DACH1: variants seen among roughly 807,000 people sequenced by gnomAD.
The protein encoded by DACH1 is dachshund homolog 1.
DACH1 carries 12 observed loss-of-function variants against 54.2 expected under a neutral mutation model. The observed-to-expected ratio is 0.22, with a 90% CI of 0.14 to 0.36. The LOEUF (loss-of-function observed/expected upper bound fraction) is 0.36, where lower values mean the gene tolerates loss of function less well. Among genes scored for constraint, DACH1 ranks in the 10% least tolerant of loss-of-function variants. The pLI is 1.00. For missense variants in DACH1, 805 were observed against 929.8 expected (o/e 0.87, Z 1.75); for synonymous variants, 386 against 366.2 (o/e 1.05, Z -0.62).
At chr13:71,790,792 T>A (rs1886799604) in intron 1 of DACH1, among the ~76,000 whole-genome samples, 2 of 152,212 alleles carry the variant, frequency 1.3e-5, no homozygotes, top group South Asian at 4.1e-4. Context: ...GCAATGATTA[T>A]TTTTATTTCT....
At chr13:71,829,577 G>A (rs1888507622) in intron 1 of DACH1, among the ~76,000 whole-genome samples, 1 of 151,868 alleles carries the variant, frequency 6.6e-6, no homozygotes, top group Admixed American at 6.6e-5. Flanking sequence ...ATTTTAGGCT[G>A]CTCATCCATT....
intron 1 of DACH1, among the ~76,000 whole-genome samples, chr13:71,837,141 TTAAA>T (rs1379324916): frequency 6.6e-5 from 10 of 152,096 alleles, no homozygotes; most frequent in African/African-American, 2.4e-4. Flanking sequence ...AATATTTACC[TTAAA>T]TAATAAGGCA....
chr13:71,748,914 T>G (rs1370531861), intron 1 of DACH1, among the ~76,000 whole-genome samples: 1 of 43,562 alleles, frequency 2.3e-5, no homozygotes, highest in Non-Finnish European at 9.9e-5. Flanking sequence ...CTTTCTTTCT[T>G]TCTTTCTTTC....
intron 3 of DACH1, among the ~76,000 whole-genome samples, chr13:71,581,186 A>G (rs1006485498): frequency 6.6e-6 from 1 of 152,170 alleles, no homozygotes; most frequent in African/African-American, 2.4e-5. Context: ...AAGCGTTCAG[A>G]TACAGCCTTT....
chr13:71,642,603 G>T lies in DACH1; in HGVS notation c.965-11886C>A, dbSNP rs146754104. On this transcript the variant is annotated intron_variant, in intron 2 of 10. Transcript: ENST00000613252. ...CATCTAGTCACTCTTTTTTGTCAAT[G>T]AGTTATGACAGTTCAAATTTATAAG... Among the ~76,000 whole-genome samples, 208 of 152,210 alleles carry T rather than the reference G, an allele frequency of 1.4e-3. 1 individual carries two copies. The highest frequency in any genetic ancestry group is 4.8e-3 in the African/African-American group (201 of 41,534).
At chr13:71,756,783 A>G (rs1007689072) in intron 1 of DACH1, among the ~76,000 whole-genome samples, 3 of 152,184 alleles carry the variant, frequency 2.0e-5, no homozygotes, top group African/African-American at 4.8e-5. Flanking sequence ...AATCCACTCA[A>G]TTTTCTAAAG....
rs10688170 is a variant in DACH1, at chr13:71,807,419, C to CAAAAAAAAAAA, written c.848+58492_848+58502dup. Among the ~76,000 whole-genome samples the CAAAAAAAAAAA allele has an allele frequency of 3.0e-5, 3 of 99,680 alleles. 1 individual carries two copies. The highest frequency in any genetic ancestry group is 5.7e-5 in the Non-Finnish European group (3 of 52,196). The allele number at this position is 99,680 out of a possible 152,430, so 65.4% of individuals were successfully genotyped here. A position where few individuals can be genotyped will look rare whatever the true frequency, so the allele number is the denominator to read the frequency against. On this transcript the variant is annotated intron_variant, in intron 1 of 10. Coordinates refer to ENST00000613252, the MANE Select transcript of DACH1 (RefSeq NM_080759.6). ...TTCTGTCAGTATTTATCACAGATTG[C>CAAAAAAAAAAA]AAAAAAAAAAAAAAAAAAAAATCCT...
At chr13:71,603,748 A>AATAG (rs1419194262) in intron 3 of DACH1, among the ~76,000 whole-genome samples, 2 of 152,004 alleles carry the variant, frequency 1.3e-5, no homozygotes, top group Non-Finnish European at 2.9e-5. Context: ...TATCAAGAAA[A>AATAG]ATAGATATAT....
At chr13:71,472,308 A>C (rs1877151791) in intron 10 of DACH1, among the ~76,000 whole-genome samples, 1 of 152,210 alleles carries the variant, frequency 6.6e-6, no homozygotes, top group African/African-American at 2.4e-5. Flanking sequence ...AATACTTTCT[A>C]AACTACTTTC....
intron 6 of DACH1, among the ~76,000 whole-genome samples, chr13:71,552,313 AG>A (rs1883868668): frequency 6.6e-6 from 1 of 152,148 alleles, no homozygotes; most frequent in African/African-American, 2.4e-5. Flanking sequence ...AATACAAATT[AG>A]GTATGCAACA....
At chr13:71,717,070 T>A (rs1883007776) in intron 1 of DACH1, among the ~76,000 whole-genome samples, 1 of 152,104 alleles carries the variant, frequency 6.6e-6, no homozygotes, top group Admixed American at 6.6e-5. Context: ...AGAGACCTAA[T>A]GCTAAGGATT....
chr13:71,545,129 A>T (rs1883375786), intron 6 of DACH1, among the ~76,000 whole-genome samples: 1 of 152,116 alleles, frequency 6.6e-6, no homozygotes, highest in African/African-American at 2.4e-5. Flanking sequence ...TTTTTCAAGT[A>T]CTACAAACTG....
chr13:71,489,140 G>C lies in DACH1; in HGVS notation c.1579C>G (p.Pro527Ala). Residue 527 changes from proline to alanine, a missense_variant, in exon 7 of 11, where the codon CCG becomes GCG. By Grantham distance (27) the Pro-to-Ala change is conservative. Coordinates refer to ENST00000613252, the MANE Select transcript of DACH1 (RefSeq NM_080759.6). Reference sequence around the variant, plus strand: ...TCTCTTGCGGTTGGTGTAGAAAGCGGGGTCTCATCTGCATGTGATTGAAAC... The same window carrying C: ...TCTCTTGCGGTTGGTGTAGAAAGCGCGGTCTCATCTGCATGTGATTGAAAC... Reference protein sequence around the residue: ...KRMHIEKDETPLSTPTARDSL... With the variant: ...KRMHIEKDETALSTPTARDSL... The C allele has an allele frequency of 6.2e-7, 1 of 1,612,804 alleles. No individual in the cohort carries two copies. The highest frequency in any genetic ancestry group is 8.5e-7 in the Non-Finnish European group (1 of 1,179,246).
intron 6 of DACH1, among the ~76,000 whole-genome samples, chr13:71,516,531 C>T (rs1037206418): frequency 2.6e-5 from 4 of 151,748 alleles, no homozygotes; most frequent in African/African-American, 9.7e-5. Flanking sequence ...AAGTCCAGCC[C>T]AACAGTCTCT....
intron 2 of DACH1, among the ~76,000 whole-genome samples, chr13:71,644,551 G>A (rs1878136953): frequency 6.6e-6 from 1 of 152,188 alleles, no homozygotes; most frequent in Admixed American, 6.5e-5. Context: ...AAGAAGCAAT[G>A]TTTTGCATCA....
At chr13:71,451,341 C>G (rs1048145748) in intron 10 of DACH1, among the ~76,000 whole-genome samples, 8 of 152,142 alleles carry the variant, frequency 5.3e-5, no homozygotes, top group African/African-American at 1.9e-4. Context: ...TTCTGAAAGA[C>G]TGGCTATAAA....
At chr13:71,812,955 A>G (rs1246777814) in intron 1 of DACH1, among the ~76,000 whole-genome samples, 1 of 152,174 alleles carries the variant, frequency 6.6e-6, no homozygotes, top group Admixed American at 6.6e-5. Flanking sequence ...TTTTTGCAAG[A>G]TGTGAAAAGT....
chr13:71,579,120 C>T (rs1025165166), intron 3 of DACH1, among the ~76,000 whole-genome samples: 8 of 151,966 alleles, frequency 5.3e-5, no homozygotes, highest in Admixed American at 5.2e-4. Context: ...CTTGCCATAC[C>T]AGGGGACTTT....
chr13:71,640,441 T>C (rs561102252), intron 2 of DACH1, among the ~76,000 whole-genome samples: 2 of 152,168 alleles, frequency 1.3e-5, no homozygotes, highest in African/African-American at 4.8e-5. Flanking sequence ...CTGAATCCTA[T>C]GTATTACATA....
Sources: gnomAD v4.1 joint callset for allele counts (sites outside exome capture counted in the v4.1 genomes callset) on GRCh38, gnomAD v4.1.1 for gene constraint, MANE v1.5 for transcripts, NCBI Gene and HGNC (gene_info 2026-07-23, HGNC 2026-07-21) for gene names.